MAGI1: variants seen among roughly 807,000 people sequenced by gnomAD.
MAGI1 encodes membrane associated guanylate kinase, WW and PDZ domain containing 1.
Under a neutral mutation model 139.9 loss-of-function variants are expected in MAGI1, and 58 were observed. The observed-to-expected ratio is 0.41, with a 90% CI of 0.34 to 0.52. MAGI1 has a LOEUF of 0.52. Among genes scored for constraint, MAGI1 ranks in the 20% least tolerant of loss-of-function variants. The pLI is 0.12. For missense variants in MAGI1, 1,874 were observed against 1,901.6 expected, an observed-to-expected ratio of 0.99 and a Z score of 0.27; for synonymous variants, 812 against 737.9, an observed-to-expected ratio of 1.10 and a Z score of -1.63.
intron 1 of MAGI1, among the ~76,000 whole-genome samples, chr3:65,941,082 A>C (rs2063291435): frequency 2.0e-5 from 3 of 152,214 alleles, no homozygotes; most frequent in Admixed American, 2.0e-4. Flanking sequence ...ACGGTGGCTC[A>C]TGCCTGTAAT....
chr3:65,404,664 T>C (rs1023938561), intron 12 of MAGI1, among the ~76,000 whole-genome samples: 2 of 152,200 alleles, frequency 1.3e-5, no homozygotes. Flanking sequence ...TACTAGTTTA[T>C]AATTTATTTT....
chr3:65,951,988 A>T (rs1470209473), intron 1 of MAGI1, among the ~76,000 whole-genome samples: 1 of 152,224 alleles, frequency 6.6e-6, no homozygotes, highest in Non-Finnish European at 1.5e-5. Flanking sequence ...TTGCAATGTG[A>T]TATTAAAATA....
intron 1 of MAGI1, among the ~76,000 whole-genome samples, chr3:65,939,496 A>T (rs2063211584): frequency 6.6e-6 from 1 of 152,244 alleles, no homozygotes; most frequent in Non-Finnish European, 1.5e-5. Context: ...GAGGAAAAGT[A>T]TCCCAAAGAA....
chr3:65,651,769 A>G (rs529306604), intron 1 of MAGI1, among the ~76,000 whole-genome samples: 2 of 152,272 alleles, frequency 1.3e-5, no homozygotes, highest in Non-Finnish European at 2.9e-5. Flanking sequence ...GAAAGCAACA[A>G]TGTGCCCCAT....
chr3:65,516,411 C>G (rs2077881383), intron 2 of MAGI1, among the ~76,000 whole-genome samples: 1 of 152,084 alleles, frequency 6.6e-6, no homozygotes, highest in Admixed American at 6.5e-5. Flanking sequence ...ATCTCTTGAC[C>G]TTGGGATCCG....
intron 1 of MAGI1, among the ~76,000 whole-genome samples, chr3:65,770,792 T>C (rs1477354584): frequency 1.3e-5 from 2 of 151,884 alleles, no homozygotes; most frequent in African/African-American, 4.8e-5. Context: ...TGGTTCAAGC[T>C]ATTCTCCTGC....
At chr3:65,357,764 A>T (rs1050587994) in intron 22 of MAGI1, among the ~76,000 whole-genome samples, 4 of 151,902 alleles carry the variant, frequency 2.6e-5, no homozygotes, top group Admixed American at 6.6e-5. Flanking sequence ...ACTTCTATTT[A>T]AAAAAAATCC....
In MAGI1 at chr3:65,778,795, C is replaced by T. The variant is rs983402714; in HGVS notation, c.314-156707G>A. On this transcript the variant is annotated intron_variant, in intron 1 of 22. Transcript: ENST00000402939. ...TCACTTTTAATGACTTTTAAAAAGA[C>T]AACTCGCATCTTGGATCAAGTTCCT... Among the ~76,000 whole-genome samples, 6 of 152,214 alleles carry T rather than the reference C, an allele frequency of 3.9e-5. No homozygotes were observed. The East Asian group carries it at 5.8e-4, about 15-fold the overall frequency.
At chr3:65,713,694 T>C (rs1214799020) in intron 1 of MAGI1, among the ~76,000 whole-genome samples, 3 of 152,216 alleles carry the variant, frequency 2.0e-5, no homozygotes, top group African/African-American at 7.2e-5. Context: ...AGTTCATTCA[T>C]TCATTTATGT....
intron 1 of MAGI1, among the ~76,000 whole-genome samples, chr3:65,755,017 G>C (rs898143507): frequency 6.6e-6 from 1 of 151,322 alleles, no homozygotes; most frequent in Non-Finnish European, 1.5e-5. Context: ...GCAGTGGTGT[G>C]ATCTTGGCTC....
chr3:65,494,741 C>T (rs1165516336), intron 2 of MAGI1, among the ~76,000 whole-genome samples: 2 of 152,198 alleles, frequency 1.3e-5, no homozygotes, highest in Non-Finnish European at 2.9e-5. Flanking sequence ...CGCTGAAGTT[C>T]TTAGCACTGT....
intron 1 of MAGI1, among the ~76,000 whole-genome samples, chr3:65,779,776 GATCT>G (rs1317637587): frequency 3.3e-5 from 5 of 152,174 alleles, no homozygotes. Context: ...CTCCAAAAAA[GATCT>G]ATCTTTGGAA....
chr3:66,012,751 G>A (rs954272280), intron 1 of MAGI1, among the ~76,000 whole-genome samples: 12 of 146,084 alleles, frequency 8.2e-5, no homozygotes, highest in Non-Finnish European at 1.6e-4. Context: ...GGGCAATAGG[G>A]TGAGACTCCA....
At chr3:65,551,246 T>C (rs2079815674) in intron 2 of MAGI1, among the ~76,000 whole-genome samples, 1 of 152,182 alleles carries the variant, frequency 6.6e-6, no homozygotes, top group South Asian at 2.1e-4. Context: ...TGATTCTAAG[T>C]TTCCTGAGGA....
intron 1 of MAGI1, among the ~76,000 whole-genome samples, chr3:65,884,807 G>A (rs1231335403): frequency 6.6e-6 from 1 of 152,098 alleles, no homozygotes; most frequent in Non-Finnish European, 1.5e-5. Context: ...ACTTATAAAT[G>A]AGAGCACATG....
chr3:65,736,938 A>G (rs1383608050), intron 1 of MAGI1, among the ~76,000 whole-genome samples: 2 of 152,240 alleles, frequency 1.3e-5, no homozygotes, highest in African/African-American at 4.8e-5. Flanking sequence ...TTCCTAGAAT[A>G]CCACAAACAC....
At chr3:65,548,764 C>T (rs970215001) in intron 2 of MAGI1, among the ~76,000 whole-genome samples, 2 of 152,046 alleles carry the variant, frequency 1.3e-5, no homozygotes, top group African/African-American at 4.8e-5. Context: ...CTCAAGTAAT[C>T]CACCCAACTC....
At chr3:65,566,146 C>G (rs548065957) in intron 2 of MAGI1, among the ~76,000 whole-genome samples, 1 of 151,576 alleles carries the variant, frequency 6.6e-6, no homozygotes, top group Non-Finnish European at 1.5e-5. Context: ...CCCAGCTACT[C>G]GGGAGGCTGA....
intron 1 of MAGI1, among the ~76,000 whole-genome samples, chr3:66,020,542 A>G (rs2067905791): frequency 6.6e-6 from 1 of 152,170 alleles, no homozygotes; most frequent in African/African-American, 2.4e-5. Flanking sequence ...CAGGTAGTCA[A>G]TACAGACTAT....
Sources: allele counts gnomAD v4.1 joint callset (sites outside exome capture counted in the v4.1 genomes callset), GRCh38; gene constraint gnomAD v4.1.1; transcripts MANE v1.5; gene names NCBI Gene and HGNC (gene_info 2026-07-23, HGNC 2026-07-21).